R3HCC1L: variants seen among roughly 807,000 people sequenced by gnomAD.
The protein encoded by R3HCC1L is coiled-coil domain-containing protein R3HCC1L.
In R3HCC1L, 51 loss-of-function variants were observed where a neutral mutation model predicts 59.9. The observed-to-expected ratio is 0.85, with a 90% confidence interval of 0.68 to 1.07. R3HCC1L has a LOEUF of 1.07. R3HCC1L is among the 50% of genes least tolerant of loss of function. R3HCC1L has a pLI of 0.00. For missense variants in R3HCC1L, 965 were observed against 933.0 expected, an observed-to-expected ratio of 1.03 and a Z score of -0.45; for synonymous variants, 322 against 315.2, an observed-to-expected ratio of 1.02 and a Z score of -0.23.
At chr10:98,151,550 T>G (rs1846158945) in intron 1 of R3HCC1L, among the ~76,000 whole-genome samples, 1 of 152,222 alleles carries the variant, frequency 6.6e-6, no homozygotes, top group South Asian at 2.1e-4. Flanking sequence ...AAAAATTAGT[T>G]ATGTTCCTAT....
At chr10:98,215,460 T>A (rs1239702343) in intron 5 of R3HCC1L, among the ~76,000 whole-genome samples, 1 of 152,204 alleles carries the variant, frequency 6.6e-6, no homozygotes, top group Non-Finnish European at 1.5e-5. Flanking sequence ...AATAAATTGG[T>A]TAAGATTTTC....
At chr10:98,179,961 AG>A in intron 4 of R3HCC1L, among the ~76,000 whole-genome samples, 1 of 151,952 alleles carries the variant, frequency 6.6e-6, no homozygotes, top group East Asian at 1.9e-4. Context: ...CTTCTTTATT[AG>A]TCTTGCTAGT....
chr10:98,244,021 AT>A, intron 9 of R3HCC1L, 69 bp from the exon 10 acceptor site: 2 of 1,422,418 alleles, frequency 1.4e-6, no homozygotes, highest in Non-Finnish European at 2.0e-6. Context: ...TTGCCTTGTA[AT>A]TTGGATTAAG....
intron 5 of R3HCC1L, among the ~76,000 whole-genome samples, chr10:98,214,836 AAATCATTT>A (rs1853983690): frequency 6.6e-6 from 1 of 152,240 alleles, no homozygotes; most frequent in African/African-American, 2.4e-5. Flanking sequence ...TTAGCATTTA[AAATCATTT>A]CTGAAAATAA....
At position 98,236,082 on chromosome 10, in the gene R3HCC1L, A is replaced by G. The variant is rs1460965885; in HGVS notation, c.2187A>G (p.Leu729=). Residue 729 remains leucine (L), a synonymous_variant, in exon 9 of 10, where the codon TTA becomes TTG. Coordinates refer to ENST00000298999, the MANE Select transcript of R3HCC1L (RefSeq NM_001351015.2). The stretch of plus-strand genomic sequence containing the variant: ...CTTCAGCAGCCCTAGCCAGAAGGTT[A>G]GTCATCAGTGCCCTTGGGGTTCGAA... ...PETSAALARR[L]VISALGVRSK... The G allele has an allele frequency of 6.2e-7, 1 of 1,614,002 alleles. No individual in the cohort carries two copies. Among genetic ancestry groups the G allele is most frequent in the Admixed American group, 1.7e-5 (1 of 59,994 alleles).
At chr10:98,220,599 A>C (rs377579949) in intron 5 of R3HCC1L, among the ~76,000 whole-genome samples, 1 of 130,298 alleles carries the variant, frequency 7.7e-6, no homozygotes, top group African/African-American at 2.8e-5. Context: ...TCATTGTTCA[A>C]TTCCCACCTA....
intron 4 of R3HCC1L, among the ~76,000 whole-genome samples, chr10:98,207,108 A>ATTATCTCCTTC (rs1392471678): frequency 5.3e-5 from 8 of 152,070 alleles, no homozygotes; most frequent in Non-Finnish European, 1.0e-4. Flanking sequence ...CTGCCTTCTC[A>ATTATCTCCTTC]TTATCTCCTT....
chr10:98,210,917 A>C (rs1010403309), intron 5 of R3HCC1L, among the ~76,000 whole-genome samples: 2 of 152,230 alleles, frequency 1.3e-5, no homozygotes, highest in Non-Finnish European at 2.9e-5. Flanking sequence ...TAAAAGAGCC[A>C]CATAATACTG....
chr10:98,209,648 A>G lies in R3HCC1L; in HGVS notation c.1534A>G (p.Thr512Ala), dbSNP rs2135279114. ...DSAVGIDLGS[T>A]GDTTEALHEL... ...TGCCGTGGGCATTGACCTGGGTAGT[A>G]CTGGTGATACAACAGAAGCATTGCA... Residue 512 changes from threonine (T) to alanine (A), a missense_variant, in exon 5 of 10, where the codon ACT becomes GCT. Coordinates refer to ENST00000298999, the MANE Select transcript of R3HCC1L (RefSeq NM_001351015.2). The G allele has an allele frequency of 1.9e-6, 3 of 1,614,066 alleles. No homozygotes were observed. The highest frequency in any genetic ancestry group is 1.3e-5 in the African/African-American group (1 of 75,046).
In R3HCC1L at chr10:98,195,082, G is replaced by T. The variant is rs117909718; in HGVS notation, c.-14-13019G>T. Among the ~76,000 whole-genome samples, 550 of 152,236 alleles carry T rather than the reference G, an allele frequency of 3.6e-3. 1 individual carries two copies. The highest frequency in any genetic ancestry group is 6.3e-3 in the Non-Finnish European group (427 of 67,996). On this transcript the variant is annotated intron_variant, in intron 4 of 9. Coordinates refer to ENST00000298999, the MANE Select transcript of R3HCC1L (RefSeq NM_001351015.2). ...AAGCAACGTTAAGTGTTCATCAGTG[G>T]ATGAATGGATAAAGAAAATATGGCA...
Position 98,208,270 on chromosome 10 carries a change from A to C in R3HCC1L, c.156A>C (p.Lys52Asn), listed in dbSNP as rs772223175. ...SPNSVVKEKQKESSLSQKEVF... is the reference protein window; with the variant it reads ...SPNSVVKEKQNESSLSQKEVF... ...ACTCTGTGGTGAAAGAAAAGCAAAAAGAAAGTTCTCTCTCCCAAAAAGAAG... is the reference window on the plus strand; with the variant it reads ...ACTCTGTGGTGAAAGAAAAGCAAAACGAAAGTTCTCTCTCCCAAAAAGAAG... Residue 52 changes from lysine to asparagine, a missense_variant, in exon 5 of 10, where the codon AAA becomes AAC. Physicochemically the swap from Lys to Asn is moderately conservative, Grantham distance 94. Transcript: ENST00000298999. 7 of 1,614,188 alleles carry C rather than the reference A, an allele frequency of 4.3e-6. No individual in the cohort carries two copies. The highest frequency in any genetic ancestry group is 1.7e-5 in the Admixed American group (1 of 60,022).
chr10:98,217,088 C>G (rs1211774346), intron 5 of R3HCC1L, among the ~76,000 whole-genome samples: 1 of 152,122 alleles, frequency 6.6e-6, no homozygotes, highest in African/African-American at 2.4e-5. Flanking sequence ...CCTTCTTTTC[C>G]AGCCTTATTT....
intron 4 of R3HCC1L, among the ~76,000 whole-genome samples, chr10:98,169,286 G>T (rs1044711733): frequency 6.6e-6 from 1 of 152,160 alleles, no homozygotes; most frequent in African/African-American, 2.4e-5. Flanking sequence ...AGGCAGTCTA[G>T]TCTAGTAGTT....
rs370973175 is a variant in R3HCC1L at position 98,208,522 on chromosome 10, G to T, written c.408G>T (p.Leu136Phe). 3.1e-6 allele frequency: 5 copies of T among 1,614,160 alleles called. No homozygotes were observed. The highest frequency in any genetic ancestry group is 3.4e-6 in the Non-Finnish European group (4 of 1,180,018). ...PNAGVITNAP[L>F]QRHFKPKKVE... is the part of the protein sequence containing the mutation. ...CTGGGGTTATAACTAATGCACCTTT[G>T]CAGAGACATTTTAAACCAAAGAAGG... The change falls in exon 5 of 10, where the codon TTG becomes TTT. Residue 136 changes from leucine to phenylalanine, a missense_variant. Physicochemically the swap from Leu to Phe is conservative, Grantham distance 22. Coordinates refer to ENST00000298999, the MANE Select transcript of R3HCC1L (RefSeq NM_001351015.2).
intron 4 of R3HCC1L, among the ~76,000 whole-genome samples, chr10:98,184,686 A>G (rs1208173667): frequency 6.6e-6 from 1 of 152,054 alleles, no homozygotes; most frequent in Non-Finnish European, 1.5e-5. Flanking sequence ...GATGGGGAGG[A>G]CATTTTGTGT....
intron 5 of R3HCC1L, among the ~76,000 whole-genome samples, chr10:98,215,665 G>C (rs796846460): frequency 1.3e-5 from 2 of 150,358 alleles, no homozygotes; most frequent in African/African-American, 4.9e-5. Context: ...CTTGTGTAGA[G>C]CTGTTCTGAT....
chr10:98,222,916 C>T (rs536531100), intron 5 of R3HCC1L, among the ~76,000 whole-genome samples: 106 of 152,280 alleles, frequency 7.0e-4, no homozygotes, highest in South Asian at 3.9e-3. Context: ...AACACCTCTA[C>T]GCAAATAAAC....
intron 4 of R3HCC1L, among the ~76,000 whole-genome samples, chr10:98,192,607 T>C (rs756851771): frequency 4.7e-4 from 72 of 152,164 alleles, no homozygotes; most frequent in Non-Finnish European, 9.9e-4. Context: ...ATAGAAAATC[T>C]GAGCAGACCC....
chr10:98,212,273 A>G (rs1217822983), intron 5 of R3HCC1L, among the ~76,000 whole-genome samples: 1 of 152,194 alleles, frequency 6.6e-6, no homozygotes, highest in Non-Finnish European at 1.5e-5. Flanking sequence ...ATTAAGTGCT[A>G]AAGCAGAGTG....
Sources: gnomAD v4.1 joint callset for allele counts (sites outside exome capture counted in the v4.1 genomes callset) on GRCh38, gnomAD v4.1.1 for gene constraint, MANE v1.5 for transcripts, NCBI Gene and HGNC (gene_info 2026-07-23, HGNC 2026-07-21) for gene names.